PANK1: variants seen among roughly 807,000 people sequenced by gnomAD.
PANK1 encodes pantothenate kinase 1.
PANK1 carries 18 observed loss-of-function variants against 40.1 expected under a neutral mutation model. That is an observed-to-expected ratio of 0.45 (90% confidence interval 0.31 to 0.67). The LOEUF (loss-of-function observed/expected upper bound fraction) is 0.67, where lower values mean the gene tolerates loss of function less well. Among genes scored for constraint, PANK1 ranks in the 30% least tolerant of loss-of-function variants. The pLI is 0.06. For missense variants in PANK1, 457 were observed against 599.6 expected, an observed-to-expected ratio of 0.76 and a Z score of 2.48; for synonymous variants, 242 against 237.7, an observed-to-expected ratio of 1.02 and a Z score of -0.17.
At chr10:89,614,736 G>A (rs1845267421) in intron 1 of PANK1, among the ~76,000 whole-genome samples, 1 of 152,100 alleles carries the variant, frequency 6.6e-6, no homozygotes, top group Admixed American at 6.5e-5. Context: ...GGCAGAGGTT[G>A]CAGCGAGCCG....
At chr10:89,606,973 G>A (rs1457079085) in intron 2 of PANK1, among the ~76,000 whole-genome samples, 1 of 152,228 alleles carries the variant, frequency 6.6e-6, no homozygotes, top group Non-Finnish European at 1.5e-5. Context: ...GTCTGTATCA[G>A]CCATAAATCT....
intron 5 of PANK1, among the ~76,000 whole-genome samples, chr10:89,591,139 G>T (rs1844373127): frequency 6.6e-6 from 1 of 152,020 alleles, no homozygotes; most frequent in South Asian, 2.1e-4. Context: ...CTATTATTTT[G>T]TAAAAAGAAT....
chr10:89,625,539 G>A (rs1184259476), intron 1 of PANK1, among the ~76,000 whole-genome samples: 1 of 152,102 alleles, frequency 6.6e-6, no homozygotes, highest in East Asian at 1.9e-4. Context: ...CATCTTAAAA[G>A]TAAGCATACA....
chr10:89,590,416 G>T (rs1275733275), intron 5 of PANK1, among the ~76,000 whole-genome samples: 1 of 152,098 alleles, frequency 6.6e-6, no homozygotes, highest in East Asian at 1.9e-4. Flanking sequence ...TGATAACTCT[G>T]TGGAGAAACT....
intron 1 of PANK1, among the ~76,000 whole-genome samples, chr10:89,621,051 C>T (rs934035874): frequency 6.6e-6 from 1 of 152,138 alleles, no homozygotes; most frequent in Non-Finnish European, 1.5e-5. Flanking sequence ...CCTGTAATCC[C>T]AGCACTTTGG....
Position 89,584,396 on chromosome 10 carries a change from C to T in PANK1, c.*10G>A. The stretch of plus-strand genomic sequence containing the variant: ...TCCTTTTGGGAGGCTGTTTCCTCCA[C>T]TGCTCGTCTCTACTTGTCATCAGTC... On this transcript the variant is annotated 3_prime_UTR_variant, in exon 7 of 7. Coordinates refer to ENST00000307534, the MANE Select transcript of PANK1 (RefSeq NM_148977.3). 1.9e-6 allele frequency: 3 copies of T among 1,579,352 alleles called. No individual in the cohort carries two copies. The highest frequency in any genetic ancestry group is 2.2e-5 in the South Asian group (2 of 90,188).
chr10:89,584,128 G>A lies in PANK1; in HGVS notation c.*278C>T, dbSNP rs1844119720. The A allele has an allele frequency of 5.8e-6, 2 of 346,906 alleles. No individual in the cohort carries two copies. Among genetic ancestry groups the A allele is most frequent in the Non-Finnish European group, 1.0e-5 (2 of 190,948 alleles). The allele number at this position is 346,906 out of a possible 1,614,324, so 21.5% of individuals were successfully genotyped here. A position where few individuals can be genotyped will look rare whatever the true frequency, so the allele number is the denominator to read the frequency against. On this transcript the variant is annotated 3_prime_UTR_variant, in exon 7 of 7. Transcript: ENST00000307534. ...CTTAAACATCAAACAACTTTTCAAA[G>A]TTAATGCATACAATTGGTAGGTTTG...
intron 1 of PANK1, among the ~76,000 whole-genome samples, chr10:89,627,143 C>T (rs1845681507): frequency 1.3e-5 from 2 of 151,582 alleles, no homozygotes; most frequent in South Asian, 2.1e-4. Flanking sequence ...TAAACACTTG[C>T]TTTAAATAAT....
chr10:89,628,346 A>G (rs1209005904), intron 1 of PANK1, among the ~76,000 whole-genome samples: 1 of 152,238 alleles, frequency 6.6e-6, no homozygotes, highest in Non-Finnish European at 1.5e-5. Context: ...TTATCTGGCC[A>G]CAAAAAAGGA....
At chr10:89,601,308 T>C (rs1844776819) in intron 2 of PANK1, among the ~76,000 whole-genome samples, 1 of 89,502 alleles carries the variant, frequency 1.1e-5, no homozygotes. Context: ...GACCCATCTC[T>C]TAAAAAAAAA....
At chr10:89,585,814 A>G (rs554695805) in intron 6 of PANK1, among the ~76,000 whole-genome samples, 1 of 152,370 alleles carries the variant, frequency 6.6e-6, no homozygotes, top group African/African-American at 2.4e-5. Flanking sequence ...GAAAGCCACC[A>G]TACCCGTGCT....
intron 1 of PANK1, among the ~76,000 whole-genome samples, chr10:89,633,504 A>G (rs1013973922): frequency 4.6e-5 from 7 of 151,182 alleles, no homozygotes; most frequent in African/African-American, 1.7e-4. Flanking sequence ...CTAGTATGGA[A>G]CACCCTAAAA....
rs1845159039 is a variant in PANK1 at position 89,611,712 on chromosome 10, T to C, written c.629A>G (p.Glu210Gly). The C allele has an allele frequency of 6.2e-7, 1 of 1,608,454 alleles. No homozygotes were observed. The highest frequency in any genetic ancestry group is 8.5e-7 in the Non-Finnish European group (1 of 1,176,810). ...CATGGGAFKFEEDFRMIADLQ... is the reference protein window; with the variant it reads ...CATGGGAFKFGEDFRMIADLQ... ...CCGACCTACCATTCTGAAGTCCTCTTCGAATTTGAAAGCCCCGCCTCCTGT... is the reference window on the plus strand; with the variant it reads ...CCGACCTACCATTCTGAAGTCCTCTCCGAATTTGAAAGCCCCGCCTCCTGT... Residue 210 changes from glutamate to glycine, a missense_variant, in exon 2 of 7, where the codon GAA becomes GGA. Transcript: ENST00000307534.
chr10:89,616,532 T>C (rs1343820462), intron 1 of PANK1, among the ~76,000 whole-genome samples: 2 of 152,146 alleles, frequency 1.3e-5, no homozygotes, highest in African/African-American at 4.8e-5. Context: ...GGCAGGAGAA[T>C]CTCTTGAACT....
At chr10:89,600,894 G>C (rs1235469213) in intron 2 of PANK1, among the ~76,000 whole-genome samples, 1 of 152,076 alleles carries the variant, frequency 6.6e-6, no homozygotes, top group Non-Finnish European at 1.5e-5. Context: ...AAATATAATA[G>C]CAAGTATTTA....
At chr10:89,590,035 G>GAAAAA (rs11389233) in intron 5 of PANK1, among the ~76,000 whole-genome samples, 2 of 100,414 alleles carry the variant, frequency 2.0e-5, no homozygotes, top group South Asian at 2.9e-4. Context: ...TGTTAAAAAA[G>GAAAAA]AAAAAAAAAA....
rs1564620214 is a variant in PANK1, at chr10:89,595,870, ATAT to A, written c.900-1884_900-1882del. ...TATATATATATATATATATATATATATATAACTTCATTTACTAATATATATATG... is the reference window on the plus strand; with the variant it reads ...TATATATATATATATATATATATATAAACTTCATTTACTAATATATATATG... On this transcript the variant is annotated intron_variant, in intron 3 of 6. Coordinates refer to ENST00000307534, the MANE Select transcript of PANK1 (RefSeq NM_148977.3). 2.4e-3 allele frequency among the ~76,000 whole-genome samples: 278 copies of A among 115,520 alleles called. 21 individuals carry two copies. Among genetic ancestry groups the A allele is most frequent in the Middle Eastern group, 5.4e-3 (1 of 186 alleles). 75.8% of individuals were successfully genotyped at this position (115,520 alleles called of 152,430 possible).
chr10:89,628,221 T>A (rs1044534433), intron 1 of PANK1, among the ~76,000 whole-genome samples: 1 of 152,182 alleles, frequency 6.6e-6, no homozygotes, highest in Non-Finnish European at 1.5e-5. Context: ...CACAAAAACC[T>A]TACATGAATG....
chr10:89,643,902 G>A, intron 1 of PANK1: 2 of 1,387,308 alleles, frequency 1.4e-6, no homozygotes, highest in Non-Finnish European at 1.9e-6. Flanking sequence ...TTTCTCCGGT[G>A]TACATTACAA....
Sources: allele counts gnomAD v4.1 joint callset (sites outside exome capture counted in the v4.1 genomes callset), GRCh38; gene constraint gnomAD v4.1.1; transcripts MANE v1.5; gene names NCBI Gene and HGNC (gene_info 2026-07-23, HGNC 2026-07-21).